Variants in CNTNAP2 observed in about 807,000 individuals in gnomAD.
CNTNAP2 encodes contactin-associated protein-like 2.
A neutral mutation model predicts 155.2 loss-of-function variants in CNTNAP2; 98 were observed. The observed-to-expected ratio is 0.63, with a 90% CI of 0.54 to 0.75. The LOEUF (loss-of-function observed/expected upper bound fraction) is 0.75, where lower values mean the gene tolerates loss of function less well. CNTNAP2 is among the 30% of genes least tolerant of loss of function. The probability of loss-of-function intolerance (pLI) is 0.00; values close to 1 mark genes in which losing one functional copy is unlikely to be tolerated. For missense variants in CNTNAP2, 1,727 were observed against 1,688.1 expected, an observed-to-expected ratio of 1.02 and a Z score of -0.40; for synonymous variants, 651 against 631.2, an observed-to-expected ratio of 1.03 and a Z score of -0.47.
intron 23 of CNTNAP2, among the ~76,000 whole-genome samples, chr7:148,413,129 C>A (rs956418382): frequency 6.6e-6 from 1 of 151,716 alleles, no homozygotes; most frequent in African/African-American, 2.4e-5. Flanking sequence ...TAGCAGCTCA[C>A]GCCTATAATC....
intron 13 of CNTNAP2, among the ~76,000 whole-genome samples, chr7:147,850,335 T>C (rs144893630): frequency 0.044 from 6,729 of 152,246 alleles, 270 homozygotes; most frequent in Admixed American, 0.12. Flanking sequence ...AAAATGGCCA[T>C]ACTGCCCAAG....
chr7:148,390,999 G>A (rs573753743), intron 22 of CNTNAP2, among the ~76,000 whole-genome samples: 3 of 152,278 alleles, frequency 2.0e-5, no homozygotes, highest in East Asian at 1.9e-4. Context: ...ACATGGCCTC[G>A]TGTAACATAC....
At chr7:148,298,215 T>TTCC (rs1334440583) in intron 21 of CNTNAP2, among the ~76,000 whole-genome samples, 1 of 152,162 alleles carries the variant, frequency 6.6e-6, no homozygotes, top group Admixed American at 6.5e-5. Flanking sequence ...GGTAGTTGGA[T>TTCC]GGTGCTAGTG....
At chr7:148,113,786 G>A (rs1804405824) in intron 15 of CNTNAP2, among the ~76,000 whole-genome samples, 1 of 152,162 alleles carries the variant, frequency 6.6e-6, no homozygotes, top group African/African-American at 2.4e-5. Context: ...CTTCCAAGCT[G>A]CAGAGCCTTC....
intron 14 of CNTNAP2, among the ~76,000 whole-genome samples, chr7:147,943,506 G>A (rs183183840): frequency 3.9e-4 from 59 of 152,028 alleles, no homozygotes; most frequent in African/African-American, 1.2e-3. Flanking sequence ...AGTCGCTCAC[G>A]CTTGTAAATC....
At chr7:146,139,837 C>G (rs556345676) in intron 1 of CNTNAP2, among the ~76,000 whole-genome samples, 1 of 152,122 alleles carries the variant, frequency 6.6e-6, no homozygotes, top group African/African-American at 2.4e-5. Flanking sequence ...GGCAATAATA[C>G]ATGCTTGAGT....
At chr7:146,841,200 G>T (rs58159845) in intron 3 of CNTNAP2, among the ~76,000 whole-genome samples, 8,897 of 152,218 alleles carry the variant, frequency 0.058, 833 homozygotes, top group African/African-American at 0.2. Context: ...CGATGGTGAT[G>T]CTAATGTACA....
At chr7:146,869,947 A>C (rs1213091161) in intron 3 of CNTNAP2, among the ~76,000 whole-genome samples, 1 of 152,130 alleles carries the variant, frequency 6.6e-6, no homozygotes, top group Non-Finnish European at 1.5e-5. Context: ...TTCAATGATC[A>C]AGTTGACACT....
chr7:146,683,665 C>A (rs986626117), intron 1 of CNTNAP2, among the ~76,000 whole-genome samples: 7 of 152,250 alleles, frequency 4.6e-5, no homozygotes, highest in African/African-American at 1.4e-4. Flanking sequence ...CAATGAGTCA[C>A]TTACCCCATA....
At chr7:146,408,443 C>G (rs991784262) in intron 1 of CNTNAP2, among the ~76,000 whole-genome samples, 1 of 151,996 alleles carries the variant, frequency 6.6e-6, no homozygotes, top group Non-Finnish European at 1.5e-5. Flanking sequence ...GCAATTTCCT[C>G]GAAGGTGAAC....
chr7:146,125,731 T>TA (rs944159237), intron 1 of CNTNAP2, among the ~76,000 whole-genome samples: 1 of 151,862 alleles, frequency 6.6e-6, no homozygotes, highest in Non-Finnish European at 1.5e-5. Flanking sequence ...CTTATTCCAA[T>TA]ATTCTAGATA....
intron 1 of CNTNAP2, among the ~76,000 whole-genome samples, chr7:146,372,837 G>C (rs1249715446): frequency 6.6e-6 from 1 of 152,100 alleles, no homozygotes; most frequent in African/African-American, 2.4e-5. Flanking sequence ...GAAAGCAATG[G>C]AGGTACAGAA....
intron 4 of CNTNAP2, among the ~76,000 whole-genome samples, chr7:147,057,864 T>C (rs762972041): frequency 2.0e-5 from 3 of 152,198 alleles, no homozygotes; most frequent in Non-Finnish European, 4.4e-5. Context: ...GAGATTTCCA[T>C]AGACTTCATA....
intron 22 of CNTNAP2, among the ~76,000 whole-genome samples, chr7:148,394,017 AT>A (rs577797081): frequency 0.012 from 1,752 of 150,678 alleles, 34 homozygotes; most frequent in African/African-American, 0.04. Context: ...AATTTATGGG[AT>A]TTTTTTTTCC....
At chr7:146,423,232 G>C (rs1796038379) in intron 1 of CNTNAP2, among the ~76,000 whole-genome samples, 1 of 151,952 alleles carries the variant, frequency 6.6e-6, no homozygotes, top group African/African-American at 2.4e-5. Context: ...ATAACATATT[G>C]AACTTTCTGT....
chr7:148,208,373 G>T (rs761558524), intron 18 of CNTNAP2, among the ~76,000 whole-genome samples: 1 of 152,180 alleles, frequency 6.6e-6, no homozygotes, highest in Non-Finnish European at 1.5e-5. Flanking sequence ...GAACAAGGCG[G>T]AGTTTCCCTA....
intron 1 of CNTNAP2, among the ~76,000 whole-genome samples, chr7:146,532,648 G>A (rs879526359): frequency 1.8e-4 from 27 of 152,038 alleles, no homozygotes; most frequent in Admixed American, 1.7e-3. Flanking sequence ...AATTCTATAT[G>A]GAAGTAACTG....
At chr7:146,424,172 T>C (rs571011154) in intron 1 of CNTNAP2, among the ~76,000 whole-genome samples, 1 of 152,302 alleles carries the variant, frequency 6.6e-6, no homozygotes, top group East Asian at 1.9e-4. Flanking sequence ...CTCAGTGGGA[T>C]TCATCTGCCT....
At chr7:147,694,879 A>C (rs1796140020) in intron 13 of CNTNAP2, among the ~76,000 whole-genome samples, 1 of 152,048 alleles carries the variant, frequency 6.6e-6, no homozygotes, top group South Asian at 2.1e-4. Context: ...CCTACTTTGG[A>C]ATTAATTTAC....
Sources: allele counts gnomAD v4.1 joint callset (sites outside exome capture counted in the v4.1 genomes callset), GRCh38; gene constraint gnomAD v4.1.1; transcripts MANE v1.5; gene names NCBI Gene and HGNC (gene_info 2026-07-23, HGNC 2026-07-21).